KCNU1: variants seen among roughly 807,000 people sequenced by gnomAD.
KCNU1 encodes the protein potassium channel subfamily U member 1.
A neutral mutation model predicts 126.8 loss-of-function variants in KCNU1; 93 were observed. The ratio of observed to expected loss-of-function variants is 0.73; its 90% CI spans 0.62 to 0.87. The LOEUF (loss-of-function observed/expected upper bound fraction) is 0.87. Among genes scored for constraint, KCNU1 ranks in the 40% least tolerant of loss-of-function variants. KCNU1 has a pLI of 0.00. For synonymous variants in KCNU1, 523 were observed against 494.2 expected (o/e 1.06, Z -0.77); for missense variants, 1,330 against 1,367.1 (o/e 0.97, Z 0.43).
chr8:36,922,394 T>C lies in KCNU1; in HGVS notation c.2597-96T>C, dbSNP rs1204113455. 8.3e-6 allele frequency: 11 copies of C among 1,317,678 alleles called. No individual in the cohort carries two copies. The Admixed American group carries it at 2.6e-4, about 31-fold the overall frequency. 81.6% of individuals were successfully genotyped at this position (1,317,678 alleles called of 1,614,324 possible). On this transcript the variant is annotated intron_variant, in intron 23 of 26. Coordinates refer to ENST00000399881, the MANE Select transcript of KCNU1 (RefSeq NM_001031836.3). ...AGACCCCAAAGTAGACATCAGATCTTTTGATCAAGTGGTCGCCCCTTGGCC... is the reference window on the plus strand; with the variant it reads ...AGACCCCAAAGTAGACATCAGATCTCTTGATCAAGTGGTCGCCCCTTGGCC...
chr8:36,820,474 A>C (rs1804081667), intron 10 of KCNU1, among the ~76,000 whole-genome samples: 1 of 152,098 alleles, frequency 6.6e-6, no homozygotes, highest in Admixed American at 6.6e-5. Flanking sequence ...TTATGGCAGA[A>C]TTTTAGTAAC....
intron 20 of KCNU1, among the ~76,000 whole-genome samples, chr8:36,906,575 C>T (rs1001875867): frequency 1.3e-5 from 2 of 152,140 alleles, no homozygotes; most frequent in Non-Finnish European, 2.9e-5. Flanking sequence ...TGATTGCTTG[C>T]ATGCTGTATG....
chr8:36,916,177 G>T (rs1035575285), intron 22 of KCNU1, among the ~76,000 whole-genome samples: 3 of 143,176 alleles, frequency 2.1e-5, no homozygotes, highest in Non-Finnish European at 3.0e-5. Flanking sequence ...AAAGAAGGTA[G>T]GAAAGAAGGA....
At chr8:36,820,131 A>G (rs1327369492) in intron 10 of KCNU1, among the ~76,000 whole-genome samples, 1 of 152,176 alleles carries the variant, frequency 6.6e-6, no homozygotes, top group African/African-American at 2.4e-5. Flanking sequence ...AAGCTCCTGG[A>G]TGAATGTACC....
chr8:36,922,711 A>G, intron 24 of KCNU1, 82 bp downstream of exon 24: 2 of 1,353,360 alleles, frequency 1.5e-6, no homozygotes, highest in Non-Finnish European at 2.0e-6. Context: ...TGAGTAGATG[A>G]TAACACCTCA....
Position 36,932,957 on chromosome 8 carries a change from T to A in KCNU1, c.2969T>A (p.Leu990Ter). Residue 990 changes from leucine (L) to a stop codon, truncating the protein, a stop_gained, in exon 26 of 27, where the codon TTA becomes TAA. Transcript: ENST00000399881. LOFTEE classifies it high-confidence loss of function. ...TTTGGACAACTGTTCTGTGGCTCATTAGATCTTTTTGGAATCCTGTGTGTT... is the reference window on the plus strand; with the variant it reads ...TTTGGACAACTGTTCTGTGGCTCATAAGATCTTTTTGGAATCCTGTGTGTT... ...NTFGQLFCGS[L>*]DLFGILCVGL... The A allele has an allele frequency of 6.3e-7, 1 of 1,576,670 alleles. No homozygotes were observed. The highest frequency in any genetic ancestry group is 8.6e-7 in the Non-Finnish European group (1 of 1,159,398).
At chr8:36,805,900 G>T (rs904712386) in intron 4 of KCNU1, among the ~76,000 whole-genome samples, 5 of 152,108 alleles carry the variant, frequency 3.3e-5, no homozygotes, top group African/African-American at 1.2e-4. Context: ...CTGCAGTACA[G>T]TGAAGCGTTC....
intron 7 of KCNU1, 61 bp from the exon 8 acceptor site, chr8:36,814,146 C>A: frequency 7.5e-7 from 1 of 1,330,672 alleles, no homozygotes; most frequent in Admixed American, 1.9e-5. Context: ...TTTGCCTATT[C>A]TTTAAAAATC....
At chr8:36,818,962 G>A (rs1804026082) in intron 10 of KCNU1, among the ~76,000 whole-genome samples, 1 of 152,126 alleles carries the variant, frequency 6.6e-6, no homozygotes, top group Non-Finnish European at 1.5e-5. Flanking sequence ...TAAAACTAGG[G>A]ATTAAAAGCT....
chr8:36,836,833 G>A lies in KCNU1; in HGVS notation c.1406G>A (p.Gly469Glu), dbSNP rs1182230975. The A allele has an allele frequency of 1.2e-6, 2 of 1,613,816 alleles. No homozygotes were observed. The highest frequency in any genetic ancestry group is 1.7e-6 in the Non-Finnish European group (2 of 1,179,794). Residue 469 changes from glycine (G) to glutamate (E), a missense_variant, in exon 14 of 27, where the codon GGA (glycine) becomes GAA (glutamate). Coordinates refer to ENST00000399881, the MANE Select transcript of KCNU1 (RefSeq NM_001031836.3). ...PKIPSWNWDT[G>E]DNIICFAELK... ...ATTCCCAGCTGGAACTGGGACACCG[G>A]AGACAACATCATCTGCTTTGCTGAA... is the stretch of plus-strand genomic sequence containing the variant.
At chr8:36,836,967 G>T in intron 14 of KCNU1, 22 bp downstream of exon 14, 1 of 1,612,492 alleles carries the variant, frequency 6.2e-7, no homozygotes, top group South Asian at 1.1e-5. Flanking sequence ...AATTACTGTT[G>T]ATTCTTGGCT....
chr8:36,873,618 A>G (rs991446992), intron 19 of KCNU1, among the ~76,000 whole-genome samples: 8 of 152,260 alleles, frequency 5.3e-5, no homozygotes, highest in Non-Finnish European at 1.0e-4. Context: ...CTTCTCCTTG[A>G]ACGCCCTTTT....
chr8:36,929,005 G>A (rs1403184383), intron 24 of KCNU1: 1 of 699,948 alleles, frequency 1.4e-6, no homozygotes, highest in Admixed American at 2.0e-5. Context: ...AGCAATGTGT[G>A]CAGTATATTT....
At chr8:36,920,361 C>T (rs1056685918) in intron 23 of KCNU1, among the ~76,000 whole-genome samples, 1 of 152,148 alleles carries the variant, frequency 6.6e-6, no homozygotes, top group Non-Finnish European at 1.5e-5. Flanking sequence ...GGAGGGCCAA[C>T]TGTATACACC....
intron 19 of KCNU1, among the ~76,000 whole-genome samples, chr8:36,892,816 A>T (rs942694357): frequency 6.6e-6 from 1 of 152,056 alleles, no homozygotes; most frequent in African/African-American, 2.4e-5. Context: ...CAGTCTCAAG[A>T]TCAGCCAGAA....
At chr8:36,838,856 A>C (rs1804851013) in intron 14 of KCNU1, among the ~76,000 whole-genome samples, 1 of 152,208 alleles carries the variant, frequency 6.6e-6, no homozygotes, top group African/African-American at 2.4e-5. Flanking sequence ...TCTGAAACCT[A>C]CTTTCAGGAA....
chr8:36,933,541 G>T (rs1232839414), intron 26 of KCNU1, among the ~76,000 whole-genome samples: 1 of 152,120 alleles, frequency 6.6e-6, no homozygotes, highest in African/African-American at 2.4e-5. Flanking sequence ...AGATAGAAAT[G>T]CATGTGGAGG....
intron 14 of KCNU1, among the ~76,000 whole-genome samples, chr8:36,838,190 T>G (rs1041427477): frequency 1.3e-5 from 2 of 152,150 alleles, no homozygotes; most frequent in African/African-American, 4.8e-5. Context: ...GCCTAGAAAA[T>G]GGTTGATAAG....
Position 36,909,444 on chromosome 8 carries a change from A to G in KCNU1, c.2240A>G (p.Glu747Gly). 1 of 1,613,520 alleles carries G rather than the reference A, an allele frequency of 6.2e-7. No homozygotes were observed. The highest frequency in any genetic ancestry group is 8.5e-7 in the Non-Finnish European group (1 of 1,179,446). Residue 747 changes from glutamate (E) to glycine (G), a missense_variant, in exon 21 of 27, where the codon GAG (glutamate) becomes GGG (glycine). Around this residue, in one of 3 missense-constraint regions of KCNU1, gnomAD observed 1,054 missense variants for 1,053.9 expected, o/e 1.00. Transcript: ENST00000399881. ...PLRASNYTRK[E>G]LKDIVFIGSL... The stretch of plus-strand genomic sequence containing the variant: ...AGAGCCAGCAACTATACCAGGAAGG[A>G]GCTGAAGGACATAGTGTTCATTGGG...
Sources: allele counts gnomAD v4.1 joint callset (sites outside exome capture counted in the v4.1 genomes callset), GRCh38; gene constraint gnomAD v4.1.1; regional missense constraint gnomAD v4.1.1; transcripts MANE v1.5; gene names NCBI Gene and HGNC (gene_info 2026-07-23, HGNC 2026-07-21).